The following MRE11 variants were observed in gnomAD, a reference collection of about 807,000 sequenced individuals.
MRE11 encodes the protein MRE11 double strand break repair nuclease, also known as double-strand break repair protein MRE11.
MRE11 carries 62 observed loss-of-function variants against 91.7 expected under a neutral mutation model. The ratio of observed to expected loss-of-function variants is 0.68; its 90% CI spans 0.55 to 0.84. MRE11 has a LOEUF of 0.84. MRE11 is among the 40% of genes least tolerant of loss of function. The pLI, the probability that MRE11 is intolerant of heterozygous loss-of-function variation, is 0.00. For synonymous variants in MRE11, 273 were observed against 271.4 expected (o/e 1.01, Z -0.06); for missense variants, 796 against 852.9 (o/e 0.93, Z 0.83).
the MRE11 span, among the ~76,000 whole-genome samples, chr11:94,501,291 A>C: frequency 6.6e-6 from 1 of 152,180 alleles, no homozygotes; most frequent in African/African-American, 2.4e-5. Context: ...ACATAGAAAC[A>C]TGGGCCTCAT....
rs781163515 is a variant in MRE11 at position 94,478,726 on chromosome 11, C to T, written c.544+9G>A. ...CATGGACATAAACAGTAAAATAAAA[C>T]TGTCTTACCTAAACCATATAGCGCA... On this transcript the variant is annotated intron_variant, in intron 6 of 19. Transcript: ENST00000323929. The T allele has an allele frequency of 2.5e-6, 4 of 1,611,580 alleles. No individual in the cohort carries two copies. The highest frequency in any genetic ancestry group is 3.4e-6 in the Non-Finnish European group (4 of 1,179,584).
intron 4 of MRE11, among the ~76,000 whole-genome samples, chr11:94,482,965 C>G (rs948575): frequency 0.31 from 47,248 of 151,940 alleles, 7,764 homozygotes; most frequent in Middle Eastern, 0.41. Flanking sequence ...TAAAAAATGT[C>G]CCAAGTTTTA....
At chr11:94,448,481 CA>C (rs1198071805) in intron 14 of MRE11, among the ~76,000 whole-genome samples, 2 of 151,788 alleles carry the variant, frequency 1.3e-5, no homozygotes, top group Non-Finnish European at 1.5e-5. Flanking sequence ...CCTGTAGTCC[CA>C]GCTACTTGAG....
the MRE11 span, among the ~76,000 whole-genome samples, chr11:94,503,423 G>A: frequency 2.0e-5 from 3 of 152,052 alleles, no homozygotes; most frequent in East Asian, 3.9e-4. Flanking sequence ...AAGAAAACAC[G>A]GTGGCTCACA....
chr11:94,442,494 AT>A (rs369974282), intron 16 of MRE11, among the ~76,000 whole-genome samples: 4 of 151,792 alleles, frequency 2.6e-5, no homozygotes, highest in Admixed American at 6.6e-5. Context: ...AAAAAGAAAA[AT>A]AAAACAAGAC....
intron 8 of MRE11, 48 bp from the exon 9 acceptor site, chr11:94,470,690 G>C: frequency 6.3e-7 from 1 of 1,591,684 alleles, no homozygotes. Context: ...AATTTCCTCA[G>C]GGTGATGTGC....
chr11:94,465,395 C>CTTTTTTTT (rs752729940), intron 10 of MRE11, among the ~76,000 whole-genome samples: 3 of 127,960 alleles, frequency 2.3e-5, no homozygotes, highest in African/African-American at 3.1e-5. Context: ...CTCTCTCTCT[C>CTTTTTTTT]TTTTTTTTTT....
chr11:94,498,577 G>A, upstream of MRE11: 1 of 1,484,170 alleles, frequency 6.7e-7, no homozygotes, highest in Non-Finnish European at 9.2e-7. Context: ...AGTGCCTCCT[G>A]TGTGTGAGAT....
chr11:94,472,047 CT>C (rs1365092746), intron 7 of MRE11, among the ~76,000 whole-genome samples: 1 of 152,000 alleles, frequency 6.6e-6, no homozygotes, highest in Non-Finnish European at 1.5e-5. Context: ...AGGATTTCCC[CT>C]TTGGTCAATC....
At chr11:94,450,068 G>A (rs1946057976) in intron 14 of MRE11, among the ~76,000 whole-genome samples, 2 of 152,082 alleles carry the variant, frequency 1.3e-5, no homozygotes, top group Non-Finnish European at 2.9e-5. Flanking sequence ...ATGACTTTTG[G>A]AGAAAAAATG....
intron 18 of MRE11, among the ~76,000 whole-genome samples, chr11:94,431,963 GA>G (rs1004313697): frequency 3.5e-4 from 51 of 145,382 alleles, no homozygotes; most frequent in South Asian, 1.1e-3. Context: ...TCCATTTCTG[GA>G]AAAAAAAAAA....
Position 94,493,293 on chromosome 11 carries a change from G to A in MRE11, c.-105-387C>T, listed in dbSNP as rs397509350. ...TACTCTGGAGAACAGAGGCAATCCT[G>A]TATTTCCTATTCAAACCCCACGATT... On this transcript the variant is annotated intron_variant, in intron 1 of 19. Coordinates refer to ENST00000323929, the MANE Select transcript of MRE11 (RefSeq NM_005591.4). 1.6e-3 allele frequency among the ~76,000 whole-genome samples: 240 copies of A among 152,294 alleles called. 1 individual carries two copies. Among genetic ancestry groups the A allele is most frequent in the Non-Finnish European group, 2.6e-3 (175 of 68,024 alleles).
At position 94,474,377 on chromosome 11, in the gene MRE11, G is replaced by A. The variant is rs947161683; in HGVS notation, c.659+1912C>T. On this transcript the variant is annotated intron_variant, in intron 7 of 19. Transcript: ENST00000323929. ...AAAAGAGAATGCAATGGTCAAAGCT[G>A]CAACAATCAGAGGAACAGTAGCAAC... Among the ~76,000 whole-genome samples, 10 of 152,098 alleles carry A rather than the reference G, an allele frequency of 6.6e-5. 2 individuals carry two copies. The highest frequency in any genetic ancestry group is 3.3e-4 in the Admixed American group (5 of 15,256).
the MRE11 span, among the ~76,000 whole-genome samples, chr11:94,510,840 T>G: frequency 3.9e-5 from 6 of 152,206 alleles, no homozygotes; most frequent in Non-Finnish European, 8.8e-5. Flanking sequence ...TAGGTAAAAG[T>G]TATACACACA....
At chr11:94,478,616 C>T in intron 6 of MRE11, 119 bp downstream of exon 6, 1 of 1,142,040 alleles carries the variant, frequency 8.8e-7, no homozygotes, top group Non-Finnish European at 1.2e-6. Context: ...TTTTTATAGT[C>T]ACCAATAAAG....
intron 17 of MRE11, 92 bp downstream of exon 17, chr11:94,437,085 T>G (rs1363613286): frequency 2.6e-6 from 3 of 1,136,430 alleles, no homozygotes; most frequent in African/African-American, 3.2e-5. Context: ...TAATTTTTCT[T>G]CTTTTATTTA....
intron 13 of MRE11, among the ~76,000 whole-genome samples, chr11:94,456,954 T>C (rs979365874): frequency 2.6e-5 from 4 of 152,194 alleles, no homozygotes; most frequent in African/African-American, 4.8e-5. Context: ...ACATATTTAC[T>C]GAGCACCTTC....
At chr11:94,453,048 C>T (rs1392287854) in intron 14 of MRE11, among the ~76,000 whole-genome samples, 1 of 152,164 alleles carries the variant, frequency 6.6e-6, no homozygotes, top group Non-Finnish European at 1.5e-5. Context: ...TCTGATTACT[C>T]TAGGTACCTC....
intron 7 of MRE11, among the ~76,000 whole-genome samples, chr11:94,474,640 C>T (rs1461691187): frequency 6.6e-6 from 1 of 152,084 alleles, no homozygotes; most frequent in African/African-American, 2.4e-5. Flanking sequence ...TGCATAGTCT[C>T]AAAGTATTTT....
Sources: gnomAD v4.1 joint callset for allele counts (sites outside exome capture counted in the v4.1 genomes callset) on GRCh38, gnomAD v4.1.1 for gene constraint, MANE v1.5 for transcripts, NCBI Gene and HGNC (gene_info 2026-07-23, HGNC 2026-07-21) for gene names.